PHACTR1: variants seen among roughly 807,000 people sequenced by gnomAD.
PHACTR1 encodes the protein RPEL repeat containing 1.
PHACTR1 carries 16 observed loss-of-function variants against 69.2 expected under a neutral mutation model. The observed-to-expected ratio is 0.23, with a 90% CI of 0.16 to 0.35. The LOEUF (loss-of-function observed/expected upper bound fraction) is 0.35. PHACTR1 is among the 10% of genes least tolerant of loss of function. The pLI, the probability that PHACTR1 is intolerant of heterozygous loss-of-function variation, is 1.00. For synonymous variants in PHACTR1, 312 were observed against 284.5 expected (o/e 1.10, Z -0.97); for missense variants, 510 against 734.7 (o/e 0.69, Z 3.54).
chr6:12,962,754 T>C (rs572546802), intron 4 of PHACTR1, among the ~76,000 whole-genome samples: 2 of 152,316 alleles, frequency 1.3e-5, no homozygotes, highest in African/African-American at 4.8e-5. Context: ...AGATGTTCCT[T>C]TGAGGTCAAA....
chr6:13,182,527 C>T lies in PHACTR1; in HGVS notation c.505C>T (p.Leu169Phe). The change falls in exon 7 of 15, where the codon CTC becomes TTC. Residue 169 changes from leucine (L) to phenylalanine (F), a missense_variant. This residue lies in a region of PHACTR1 where 419 missense variants were observed against 530.9 expected (regional missense o/e 0.79). Transcript: ENST00000332995. ...CCTTTTCTCTCTGACAGATGGGGAA[C>T]TCTCTATATCCAATGAAGAGGACTC... ...LKEIYDKDGE[L>F]SISNEEDSLE... is the part of the protein sequence containing the mutation. The T allele has an allele frequency of 6.2e-7, 1 of 1,613,862 alleles. No individual in the cohort carries two copies. The highest frequency in any genetic ancestry group is 8.5e-7 in the Non-Finnish European group (1 of 1,179,786).
chr6:13,003,951 C>CATATATATATA (rs1491113560), intron 4 of PHACTR1, among the ~76,000 whole-genome samples: 2 of 93,548 alleles, frequency 2.1e-5, no homozygotes, highest in Non-Finnish European at 4.0e-5. Context: ...AGTAGTATTC[C>CATATATATATA]TATATATATA....
In PHACTR1 at chr6:12,860,151, T is replaced by C. The variant is rs1455744730; in HGVS notation, c.250+110361T>C. ...ATTTCTCCTATTGCTATCCCTCCCC[T>C]TATCCCCCACTCCCTGACAGGCCCC... is the stretch of plus-strand genomic sequence containing the variant. On this transcript the variant is annotated intron_variant, in intron 4 of 14. Coordinates refer to ENST00000332995, the MANE Select transcript of PHACTR1 (RefSeq NM_030948.6). 2.0e-5 allele frequency among the ~76,000 whole-genome samples: 3 copies of C among 152,190 alleles called. No individual in the cohort carries two copies. The East Asian group carries it at 5.8e-4, about 29-fold the overall frequency.
chr6:12,867,769 G>A lies in PHACTR1; in HGVS notation c.250+117979G>A, dbSNP rs376715536. ...GATGGTGAAATATCAAGAGGTATTTGTTGGGTTTTTTTCCTCCTTTTGTTC... is the reference window on the plus strand; with the variant it reads ...GATGGTGAAATATCAAGAGGTATTTATTGGGTTTTTTTCCTCCTTTTGTTC... On this transcript the variant is annotated intron_variant, in intron 4 of 14. Transcript: ENST00000332995. Among the ~76,000 whole-genome samples, 22 of 152,250 alleles carry A rather than the reference G, an allele frequency of 1.4e-4. No individual in the cohort carries two copies. The South Asian group carries it at 3.7e-3, about 26-fold the overall frequency.
intron 5 of PHACTR1, among the ~76,000 whole-genome samples, chr6:13,148,791 A>T (rs958460953): frequency 2.0e-5 from 3 of 152,186 alleles, no homozygotes; most frequent in Non-Finnish European, 4.4e-5. Context: ...TGTTATCTTG[A>T]GGAGATACTC....
At position 13,246,814 on chromosome 6, in the gene PHACTR1, G is replaced by A. The variant is rs1344030123; in HGVS notation, c.1391+16621G>A. Among the ~76,000 whole-genome samples the A allele has an allele frequency of 6.6e-6, 1 of 152,130 alleles. No homozygotes were observed. Among genetic ancestry groups the A allele is most frequent in the Non-Finnish European group, 1.5e-5 (1 of 68,012 alleles). Reference sequence around the variant, plus strand: ...TCTTCACGTGTCCCCATGTATCTTTGTTTACTGGCAAAACACCTCGAATCT... The same window carrying A: ...TCTTCACGTGTCCCCATGTATCTTTATTTACTGGCAAAACACCTCGAATCT... On this transcript the variant is annotated intron_variant, in intron 10 of 14. Transcript: ENST00000332995. This position sits in a 1 kb window ranked among gnomAD's most constrained non-coding sequence, Gnocchi z 4.2.
intron 4 of PHACTR1, among the ~76,000 whole-genome samples, chr6:13,031,878 G>GT (rs2127691957): frequency 6.6e-6 from 1 of 152,326 alleles, no homozygotes; most frequent in African/African-American, 2.4e-5. Context: ...TTGACACCAA[G>GT]TGCTAAATGT....
At chr6:13,162,275 TTTTGTTTG>T (rs144466160) in intron 6 of PHACTR1, among the ~76,000 whole-genome samples, 143 of 149,848 alleles carry the variant, frequency 9.5e-4, no homozygotes, top group African/African-American at 3.2e-3. Flanking sequence ...ACTTTTGTTT[TTTTGTTTG>T]TTTGTTTGTT....
At chr6:12,983,238 A>C (rs563469920) in intron 4 of PHACTR1, among the ~76,000 whole-genome samples, 2 of 152,370 alleles carry the variant, frequency 1.3e-5, no homozygotes, top group Admixed American at 6.5e-5. Context: ...ACAAGTAGAG[A>C]ATAAAGATAG....
intron 5 of PHACTR1, among the ~76,000 whole-genome samples, chr6:13,080,723 T>C (rs1811237820): frequency 6.6e-6 from 1 of 152,128 alleles, no homozygotes; most frequent in African/African-American, 2.4e-5. Flanking sequence ...TTGAGGATAA[T>C]GAATGATATC....
chr6:12,956,806 C>G (rs939256478), intron 4 of PHACTR1, among the ~76,000 whole-genome samples: 27 of 152,196 alleles, frequency 1.8e-4, no homozygotes, highest in African/African-American at 6.5e-4. Flanking sequence ...CAACTGACGA[C>G]GCACTTGATC....
At chr6:12,795,486 GAACA>G (rs1772866515) in intron 4 of PHACTR1, among the ~76,000 whole-genome samples, 1 of 152,168 alleles carries the variant, frequency 6.6e-6, no homozygotes, top group Non-Finnish European at 1.5e-5. Context: ...TCCTGGGGAA[GAACA>G]TTTTGATTCA....
At chr6:12,754,176 T>A (rs2127600740) in intron 4 of PHACTR1, among the ~76,000 whole-genome samples, 1 of 147,658 alleles carries the variant, frequency 6.8e-6, no homozygotes, top group Admixed American at 6.8e-5. Flanking sequence ...GGTTTCACTG[T>A]ATTAGACAAG....
At chr6:13,225,980 C>T (rs1480098971) in intron 8 of PHACTR1, among the ~76,000 whole-genome samples, 1 of 152,250 alleles carries the variant, frequency 6.6e-6, no homozygotes, top group Non-Finnish European at 1.5e-5. Flanking sequence ...TTTCATCACC[C>T]TTCGCCACCC....
At chr6:12,807,760 T>C (rs1581844387) in intron 4 of PHACTR1, among the ~76,000 whole-genome samples, 2 of 152,218 alleles carry the variant, frequency 1.3e-5, no homozygotes, top group South Asian at 4.1e-4. Flanking sequence ...GCTTGTTGCT[T>C]CCTCTTCTCC....
intron 3 of PHACTR1, among the ~76,000 whole-genome samples, chr6:12,739,510 A>G (rs1488543480): frequency 6.6e-6 from 1 of 152,116 alleles, no homozygotes; most frequent in East Asian, 1.9e-4. Context: ...CTGCATCTTA[A>G]TAAGCTAGAA....
At chr6:13,165,155 G>A (rs925763240) in intron 6 of PHACTR1, among the ~76,000 whole-genome samples, 1 of 151,992 alleles carries the variant, frequency 6.6e-6, no homozygotes, top group Non-Finnish European at 1.5e-5. Context: ...AAAATTATAG[G>A]TTCTTTTTTT....
At chr6:12,735,178 C>T (rs1186420658) in intron 3 of PHACTR1, among the ~76,000 whole-genome samples, 1 of 152,122 alleles carries the variant, frequency 6.6e-6, no homozygotes, top group African/African-American at 2.4e-5. Flanking sequence ...TAGCAGGAGG[C>T]TTTGATGCCT....
intron 5 of PHACTR1, among the ~76,000 whole-genome samples, chr6:13,060,091 A>G (rs1807453204): frequency 6.6e-6 from 1 of 152,204 alleles, no homozygotes; most frequent in Admixed American, 6.5e-5. Context: ...GAAGCCTAAG[A>G]TGTGGTGGAC....
Sources: allele counts gnomAD v4.1 joint callset (sites outside exome capture counted in the v4.1 genomes callset), GRCh38; gene constraint gnomAD v4.1.1; regional missense constraint gnomAD v4.1.1; non-coding constraint Gnocchi (gnomAD v3.1); transcripts MANE v1.5; gene names NCBI Gene and HGNC (gene_info 2026-07-23, HGNC 2026-07-21).